The following IKZF4 variants were observed in gnomAD, a reference collection of about 807,000 sequenced individuals.
IKZF4 encodes zinc finger protein Eos.
A neutral mutation model predicts 47.7 loss-of-function variants in IKZF4; 11 were observed. That is an observed-to-expected ratio of 0.23 (90% CI 0.15 to 0.38). The LOEUF (loss-of-function observed/expected upper bound fraction) is 0.38, where lower values mean the gene tolerates loss of function less well. Among genes scored for constraint, IKZF4 ranks in the 10% least tolerant of loss-of-function variants. The probability of loss-of-function intolerance (pLI) is 1.00; values close to 1 mark genes in which losing one functional copy is unlikely to be tolerated. For missense variants in IKZF4, 557 were observed against 784.9 expected (o/e 0.71, Z 3.47); for synonymous variants, 298 against 299.4 (o/e 1.00, Z 0.05).
chr12:56,033,261 A>G lies in IKZF4; in HGVS notation c.937A>G (p.Ile313Val). 6.2e-7 allele frequency: 1 copy of G among 1,614,032 alleles called. No homozygotes were observed. Among genetic ancestry groups the G allele is most frequent in the Non-Finnish European group, 8.5e-7 (1 of 1,179,894 alleles). Residue 313 changes from isoleucine (I) to valine (V), a missense_variant, in exon 7 of 8, where the codon ATC (isoleucine) becomes GTC (valine). Coordinates refer to ENST00000547167, the MANE Select transcript of IKZF4 (RefSeq NM_022465.4). ...CTCATCCTCTGAGCGGCCAACTTTCATCGATCGTCTGGCCAATAGCCTCAC... is the reference window on the plus strand; with the variant it reads ...CTCATCCTCTGAGCGGCCAACTTTCGTCGATCGTCTGGCCAATAGCCTCAC... ...LHSSSERPTFIDRLANSLTKR... is the reference protein window; with the variant it reads ...LHSSSERPTFVDRLANSLTKR...
chr12:56,011,302 A>C (rs1891298165), intron 1 of IKZF4: 1 of 152,186 alleles, frequency 6.6e-6, no homozygotes, highest in Admixed American at 6.5e-5. Flanking sequence ...CTAGTGATTT[A>C]AAGTGTTTAG....
rs1895604820 is a variant in IKZF4, at chr12:56,035,987, C to T, written c.*656C>T. 1 of 152,610 alleles carries T rather than the reference C, an allele frequency of 6.6e-6. No homozygotes were observed. Among genetic ancestry groups the T allele is most frequent in the Non-Finnish European group, 1.5e-5 (1 of 68,084 alleles). 9.5% of individuals were successfully genotyped at this position (152,610 alleles called of 1,614,324 possible). ...TAGGAGGGACTGAAGAAATTCTCCCCAGGCACTGTGGGACTGAGAGTCCTA... is the reference window on the plus strand; with the variant it reads ...TAGGAGGGACTGAAGAAATTCTCCCTAGGCACTGTGGGACTGAGAGTCCTA... On this transcript the variant is annotated 3_prime_UTR_variant, in exon 8 of 8. Transcript: ENST00000547167. This position sits in a 1 kb window ranked among gnomAD's most constrained non-coding sequence, Gnocchi z 6.1.
upstream of IKZF4, among the ~76,000 whole-genome samples, chr12:56,017,397 A>G (rs879531882): frequency 1.3e-5 from 2 of 151,392 alleles, no homozygotes; most frequent in Non-Finnish European, 2.9e-5. Flanking sequence ...TTTTCCTGTC[A>G]CCCTCCCTCA....
intron 1 of IKZF4, chr12:56,021,863 T>G: frequency 4.2e-6 from 2 of 473,058 alleles, no homozygotes; most frequent in African/African-American, 2.0e-5. Context: ...GGGATAGAGG[T>G]AGAGCTGCCT....
intron 2 of IKZF4, among the ~76,000 whole-genome samples, chr12:56,014,557 G>A (rs986425798): frequency 1.3e-5 from 2 of 152,180 alleles, no homozygotes; most frequent in East Asian, 1.9e-4. Context: ...GAGCCAGCTC[G>A]ACTTGTTCTT....
chr12:56,026,311 A>C (rs568661609), intron 3 of IKZF4, among the ~76,000 whole-genome samples: 1 of 152,030 alleles, frequency 6.6e-6, no homozygotes, highest in African/African-American at 2.4e-5. Flanking sequence ...TAGGATTCTG[A>C]TATCAGCAGC....
In IKZF4 at chr12:56,037,365, G is replaced by C. The variant is rs1157093127; in HGVS notation, c.*2034G>C. 6.6e-6 allele frequency: 1 copy of C among 152,606 alleles called. No individual in the cohort carries two copies. Among genetic ancestry groups the C allele is most frequent in the Non-Finnish European group, 1.5e-5 (1 of 68,060 alleles). The allele number at this position is 152,606 out of a possible 1,614,324, so 9.5% of individuals were successfully genotyped here. The stretch of plus-strand genomic sequence containing the variant: ...AGAGCAGAGTAGTCTCTAGAGAAAG[G>C]AAGAATCCTCAACGGCACCCTGGGG... On this transcript the variant is annotated 3_prime_UTR_variant, in exon 8 of 8. Coordinates refer to ENST00000547167, the MANE Select transcript of IKZF4 (RefSeq NM_022465.4).
rs1892918261 is a variant in IKZF4 at position 56,021,368 on chromosome 12, G to A, written c.-126G>A. ...GCTGCTCTTGCTGGCTGCAGCCGTG[G>A]GCCTCTGCTCACCGTGCCGCTGCTG... On this transcript the variant is annotated 5_prime_UTR_variant, in exon 1 of 8. Coordinates refer to ENST00000547167, the MANE Select transcript of IKZF4 (RefSeq NM_022465.4). 1 of 1,545,886 alleles carries A rather than the reference G, an allele frequency of 6.5e-7. No individual in the cohort carries two copies. Among genetic ancestry groups the A allele is most frequent in the South Asian group, 1.2e-5 (1 of 83,980 alleles).
chr12:56,012,051 G>A (rs1430097842), intron 2 of IKZF4, among the ~76,000 whole-genome samples: 1 of 152,076 alleles, frequency 6.6e-6, no homozygotes, highest in African/African-American at 2.4e-5. Flanking sequence ...CAAGGCACAT[G>A]GGAAGTTCTG....
intron 6 of IKZF4, 107 bp from the exon 7 acceptor site, chr12:56,033,083 A>G: frequency 7.4e-7 from 1 of 1,355,262 alleles, no homozygotes; most frequent in Non-Finnish European, 1.0e-6. Context: ...GGCAACTGGT[A>G]TGTCCTTCCT....
At chr12:56,015,098 C>T (rs1482429010) in intron 2 of IKZF4, among the ~76,000 whole-genome samples, 1 of 152,082 alleles carries the variant, frequency 6.6e-6, no homozygotes, top group Non-Finnish European at 1.5e-5. Flanking sequence ...TTGTTTGAGA[C>T]AGAGTCTTGC....
rs186657435 is a variant in IKZF4 at position 56,028,411 on chromosome 12, T to C, written c.715+464T>C. Among the ~76,000 whole-genome samples the C allele has an allele frequency of 5.6e-3, 843 of 151,400 alleles. 14 individuals are homozygous for C. The highest frequency in any genetic ancestry group is 0.019 in the African/African-American group (791 of 41,268). ...AGCCGGGCATGGTGGCAGGCACCTGTAGTCCCAGCTACTTGGGAGGCTGAG... is the reference window on the plus strand; with the variant it reads ...AGCCGGGCATGGTGGCAGGCACCTGCAGTCCCAGCTACTTGGGAGGCTGAG... On this transcript the variant is annotated intron_variant, in intron 5 of 7. Coordinates refer to ENST00000547167, the MANE Select transcript of IKZF4 (RefSeq NM_022465.4).
intron 2 of IKZF4, among the ~76,000 whole-genome samples, chr12:56,014,804 A>C (rs1427588648): frequency 1.3e-4 from 20 of 151,910 alleles, no homozygotes; most frequent in Non-Finnish European, 2.8e-4. Context: ...AAACAAAAAC[A>C]AAAAAAACAG....
chr12:56,013,583 T>G (rs1891608194), intron 2 of IKZF4, among the ~76,000 whole-genome samples: 1 of 152,020 alleles, frequency 6.6e-6, no homozygotes, highest in Admixed American at 6.6e-5. Flanking sequence ...TCCTTATACC[T>G]CCTCCTCCTG....
Position 56,026,775 on chromosome 12 carries a change from C to G in IKZF4, c.287-6C>G. ...TCTCTATTCTAAACACCATCCCACC[C>G]CTCAGCCAACTCCATCAAGGTGGAG... On this transcript the variant is annotated splice_polypyrimidine_tract_variant and splice_region_variant and intron_variant, in intron 3 of 7. Coordinates refer to ENST00000547167, the MANE Select transcript of IKZF4 (RefSeq NM_022465.4). 1 of 1,556,966 alleles carries G rather than the reference C, an allele frequency of 6.4e-7. No individual in the cohort carries two copies. The highest frequency in any genetic ancestry group is 1.2e-5 in the South Asian group (1 of 82,202).
chr12:56,024,887 A>C, intron 2 of IKZF4, 167 bp from the exon 3 acceptor site: 1 of 1,494,566 alleles, frequency 6.7e-7, no homozygotes. Flanking sequence ...CCAGGCATCC[A>C]GACTGGCGGG....
In IKZF4 at chr12:56,027,950, C is replaced by A; in HGVS notation, c.715+3C>A. 6.4e-7 allele frequency: 1 copy of A among 1,554,302 alleles called. No homozygotes were observed. Among genetic ancestry groups the A allele is most frequent in the South Asian group, 1.3e-5 (1 of 79,988 alleles). On this transcript the variant is annotated splice_donor_region_variant and intron_variant, in intron 5 of 7. Transcript: ENST00000547167. ...TGGTCACCTCCGCACACACTCAGGT[C>A]AGTGTCTGTCCAGTGGGAGGAGGGA...
intron 5 of IKZF4, among the ~76,000 whole-genome samples, chr12:56,030,836 A>C (rs891287139): frequency 2.6e-5 from 4 of 152,208 alleles, no homozygotes; most frequent in African/African-American, 9.6e-5. Context: ...ACAAGATTAC[A>C]GTTAGATGGG....
intron 1 of IKZF4, among the ~76,000 whole-genome samples, chr12:56,022,312 A>T (rs1054162537): frequency 1.3e-5 from 2 of 152,032 alleles, no homozygotes; most frequent in Non-Finnish European, 2.9e-5. Flanking sequence ...TTCAGCCTTT[A>T]CCTACCTCCC....
Sources: allele counts gnomAD v4.1 joint callset (sites outside exome capture counted in the v4.1 genomes callset), GRCh38; gene constraint gnomAD v4.1.1; non-coding constraint Gnocchi (gnomAD v3.1); transcripts MANE v1.5; gene names NCBI Gene and HGNC (gene_info 2026-07-23, HGNC 2026-07-21).